DHX58: variants seen among roughly 807,000 people sequenced by gnomAD.
The protein encoded by DHX58 is ATP-dependent RNA helicase DHX58.
DHX58 carries 51 observed loss-of-function variants against 65.0 expected under a neutral mutation model. That is an observed-to-expected ratio of 0.78 (90% confidence interval 0.63 to 0.99). The LOEUF is 0.99. Among genes scored for constraint, DHX58 ranks in the 50% least tolerant of loss-of-function variants. The probability of loss-of-function intolerance (pLI) is 0.00; values close to 1 mark genes in which losing one functional copy is unlikely to be tolerated. For missense variants in DHX58, 773 were observed against 891.8 expected, an observed-to-expected ratio of 0.87 and a Z score of 1.70; for synonymous variants, 350 against 365.0, an observed-to-expected ratio of 0.96 and a Z score of 0.47.
chr17:42,112,331 T>G (rs1023123345), intron 1 of DHX58, 126 bp from the exon 2 acceptor site: 8 of 206,748 alleles, frequency 3.9e-5, no homozygotes, highest in Non-Finnish European at 8.0e-5. Flanking sequence ...AAACTCCGGT[T>G]AAGTACTGCT....
Position 42,102,248 on chromosome 17 carries a change from C to T in DHX58, c.1819G>A (p.Gly607Arg). The change falls in exon 13 of 14, where the codon GGG becomes AGG. Residue 607 changes from glycine to arginine, a missense_variant. Gly to Arg is a moderately radical substitution (Grantham distance 125). Coordinates refer to ENST00000251642, the MANE Select transcript of DHX58 (RefSeq NM_024119.3). ...CAGTTCCTGCAGCTGATGACACCCC[C>T]AGGCTTCCAGTCCTTGAAGACTTTG... ...INKVFKDWKP[G>R]GVISCRNCGE... is the part of the protein sequence containing the mutation. 2 of 1,614,216 alleles carry T rather than the reference C, an allele frequency of 1.2e-6. No homozygotes were observed. Among genetic ancestry groups the T allele is most frequent in the Non-Finnish European group, 1.7e-6 (2 of 1,180,024 alleles).
At position 42,101,678 on chromosome 17, in the gene DHX58, G is replaced by C; in HGVS notation, c.*83C>G. On this transcript the variant is annotated 3_prime_UTR_variant, in exon 14 of 14. Coordinates refer to ENST00000251642, the MANE Select transcript of DHX58 (RefSeq NM_024119.3). The stretch of plus-strand genomic sequence containing the variant: ...GGTGGGCCTGATGCCCACAGCTGAT[G>C]ATTCAGGAAGGAGGGGCCTGGAGTC... 6.5e-7 allele frequency: 1 copy of C among 1,534,228 alleles called. No individual in the cohort carries two copies. Among genetic ancestry groups the C allele is most frequent in the South Asian group, 1.2e-5 (1 of 80,634 alleles).
In DHX58 at chr17:42,101,693, G is replaced by A. The variant is rs1555661533; in HGVS notation, c.*68C>T. 1.3e-6 allele frequency: 2 copies of A among 1,565,564 alleles called. No individual in the cohort carries two copies. Among genetic ancestry groups the A allele is most frequent in the African/African-American group, 1.3e-5 (1 of 74,204 alleles). ...CACAGCTGATGATTCAGGAAGGAGG[G>A]GCCTGGAGTCTGCTGCAGACTCTCC... On this transcript the variant is annotated 3_prime_UTR_variant, in exon 14 of 14. Coordinates refer to ENST00000251642, the MANE Select transcript of DHX58 (RefSeq NM_024119.3).
rs782782198 is a variant in DHX58 at position 42,101,727 on chromosome 17, A to G, written c.*34T>C. On this transcript the variant is annotated 3_prime_UTR_variant, in exon 14 of 14. Transcript: ENST00000251642. Reference sequence around the variant, plus strand: ...TCTGCTGCAGACTCTCCCGCCCCCTACAGCCCAAACCGGGCACTGCAGCAA... The same window carrying G: ...TCTGCTGCAGACTCTCCCGCCCCCTGCAGCCCAAACCGGGCACTGCAGCAA... The G allele has an allele frequency of 6.2e-7, 1 of 1,607,480 alleles. No homozygotes were observed. Among genetic ancestry groups the G allele is most frequent in the Non-Finnish European group, 8.5e-7 (1 of 1,175,596 alleles).
rs74597802 is a variant in DHX58, at chr17:42,107,368, A to T, written c.997+236T>A. The stretch of plus-strand genomic sequence containing the variant: ...GTGACAGAGCAAGACCCCGACTATT[A>T]AAAAAAAAAAAAAAGTCAACAATGT... On this transcript the variant is annotated intron_variant, in intron 8 of 13. Transcript: ENST00000251642. Among the ~76,000 whole-genome samples, 20 of 71,596 alleles carry T rather than the reference A, an allele frequency of 2.8e-4. No individual in the cohort carries two copies. The African/African-American group carries it at 3.0e-3, about 11-fold the overall frequency. The allele number at this position is 71,596 out of a possible 152,430, so 47.0% of individuals were successfully genotyped here. A position where few individuals can be genotyped will look rare whatever the true frequency, so the allele number is the denominator to read the frequency against.
At chr17:42,111,963 T>C in intron 2 of DHX58, 70 bp from the exon 3 acceptor site, 1 of 1,519,644 alleles carries the variant, frequency 6.6e-7, no homozygotes, top group Non-Finnish European at 8.8e-7. Flanking sequence ...GACCAGTCAG[T>C]ACAGAGACCT....
chr17:42,111,516 C>T lies in DHX58; in HGVS notation c.169-19G>A. On this transcript the variant is annotated intron_variant, in intron 3 of 13. Transcript: ENST00000251642. ...GGTGCACCTGGGGGTGGAGAATGAG[C>T]TGGGAAAAGAGAGCTGAATCTGGGG... The T allele has an allele frequency of 6.2e-7, 1 of 1,612,370 alleles. No homozygotes were observed. Among genetic ancestry groups the T allele is most frequent in the Non-Finnish European group, 8.5e-7 (1 of 1,179,330 alleles).
intron 8 of DHX58, among the ~76,000 whole-genome samples, chr17:42,106,906 T>G (rs1322847698): frequency 6.6e-6 from 1 of 152,152 alleles, no homozygotes; most frequent in Non-Finnish European, 1.5e-5. Flanking sequence ...CAGAACCCTC[T>G]TCTCCCCAGT....
chr17:42,109,728 C>A (rs2054119389), intron 5 of DHX58, among the ~76,000 whole-genome samples: 1 of 151,426 alleles, frequency 6.6e-6, no homozygotes, highest in South Asian at 2.1e-4. Flanking sequence ...AACCCCACCT[C>A]TACTAAAAAT....
In DHX58 at chr17:42,110,794, G is replaced by C; in HGVS notation, c.490C>G (p.Leu164Val). 6.2e-7 allele frequency: 1 copy of C among 1,613,936 alleles called. No individual in the cohort carries two copies. Among genetic ancestry groups the C allele is most frequent in the Non-Finnish European group, 8.5e-7 (1 of 1,179,896 alleles). ...GTGCCTGGGGAGGCTGTGAGACCCA[G>C]CACCTGGGGTAGCGGCTGTGCCCTC... ...LQRAQPLPQV[L>V]GLTASPGTGG... Residue 164 changes from leucine to valine, a missense_variant, in exon 5 of 14, where the codon CTG becomes GTG. Physicochemically the swap from Leu to Val is conservative, Grantham distance 32. Transcript: ENST00000251642.
chr17:42,107,351 G>A (rs1430093834), intron 8 of DHX58, among the ~76,000 whole-genome samples: 8 of 142,182 alleles, frequency 5.6e-5, no homozygotes, highest in Non-Finnish European at 8.9e-5. Context: ...GGGTGACAGA[G>A]CAAGACCCCG....
rs782709217 is a variant in DHX58 at position 42,111,703 on chromosome 17, G to T, written c.168+22C>A. ...AGACCCTGCTTGGTGGTGGGAGAGC[G>T]GGGTAGGGACAGACCACTCACCCTG... On this transcript the variant is annotated intron_variant, in intron 3 of 13. Coordinates refer to ENST00000251642, the MANE Select transcript of DHX58 (RefSeq NM_024119.3). The T allele has an allele frequency of 1.6e-5, 26 of 1,592,460 alleles. No homozygotes were observed. In the South Asian group the frequency reaches 2.7e-4, roughly 16 times the overall value.
intron 12 of DHX58, among the ~76,000 whole-genome samples, chr17:42,103,001 T>G (rs1555661830): frequency 1.3e-5 from 2 of 152,168 alleles, no homozygotes; most frequent in Non-Finnish European, 2.9e-5. Context: ...TTGGCCAGAC[T>G]GGTCTTGAAC....
chr17:42,111,205 T>C, intron 4 of DHX58, 91 bp downstream of exon 4: 7 of 1,500,188 alleles, frequency 4.7e-6, no homozygotes, highest in Non-Finnish European at 5.4e-6. Flanking sequence ...CCACTAAAAC[T>C]CCCAACACCT....
At chr17:42,102,377 C>A in intron 12 of DHX58, 65 bp from the exon 13 acceptor site, 1 of 1,432,678 alleles carries the variant, frequency 7.0e-7, no homozygotes, top group Non-Finnish European at 9.8e-7. Context: ...CTCATGCCCT[C>A]CTGCCGGCCA....
chr17:42,106,859 GC>G (rs1456036082), intron 8 of DHX58, among the ~76,000 whole-genome samples: 2 of 151,936 alleles, frequency 1.3e-5, no homozygotes, highest in African/African-American at 4.8e-5. Context: ...CTCAAGGCCA[GC>G]CTCACACCGG....
chr17:42,109,404 C>T lies in DHX58; in HGVS notation c.562-18G>A. 2 of 1,606,612 alleles carry T rather than the reference C, an allele frequency of 1.2e-6. No homozygotes were observed. Among genetic ancestry groups the T allele is most frequent in the Non-Finnish European group, 1.7e-6 (2 of 1,174,360 alleles). ...GCACAGAGCTGGGGGCAACAGAGGA[C>T]TTTACTGGAAAGGGAGGGTCTGTGG... On this transcript the variant is annotated intron_variant, in intron 5 of 13. Transcript: ENST00000251642.
intron 11 of DHX58, among the ~76,000 whole-genome samples, chr17:42,104,259 A>T (rs1244417872): frequency 6.6e-6 from 1 of 151,818 alleles, no homozygotes; most frequent in African/African-American, 2.4e-5. Context: ...AGTCGGGGGC[A>T]ACAGTGGGAG....
intron 9 of DHX58, 68 bp from the exon 10 acceptor site, chr17:42,105,235 C>T (rs1438788518): frequency 1.2e-5 from 18 of 1,498,960 alleles, no homozygotes; most frequent in Admixed American, 2.3e-5. Context: ...CTCCACCTGC[C>T]AGAGTAGCCT....
Sources: allele counts gnomAD v4.1 joint callset (sites outside exome capture counted in the v4.1 genomes callset), GRCh38; gene constraint gnomAD v4.1.1; transcripts MANE v1.5; gene names NCBI Gene and HGNC (gene_info 2026-07-23, HGNC 2026-07-21).